The following SUSD4 variants were observed in gnomAD, a reference collection of about 807,000 sequenced individuals.
The protein encoded by SUSD4 is sushi domain-containing protein 4.
SUSD4 carries 41 observed loss-of-function variants against 50.5 expected under a neutral mutation model. That is an observed-to-expected ratio of 0.81 (90% CI 0.63 to 1.05). The LOEUF (loss-of-function observed/expected upper bound fraction) is 1.05. Among genes scored for constraint, SUSD4 ranks in the 50% least tolerant of loss-of-function variants. The pLI is 0.00. For missense variants in SUSD4, 580 were observed against 634.7 expected (o/e 0.91, Z 0.93); for synonymous variants, 257 against 257.3 (o/e 1.00, Z 0.01).
chr1:223,257,032 T>A (rs1661743631), intron 5 of SUSD4, among the ~76,000 whole-genome samples: 1 of 152,106 alleles, frequency 6.6e-6, no homozygotes, highest in Non-Finnish European at 1.5e-5. Flanking sequence ...TGGCATAGAG[T>A]AGGCATCCAA....
At position 223,224,447 on chromosome 1, in the gene SUSD4, A is replaced by G. The variant is rs1255880104; in HGVS notation, c.1062-816T>C. Among the ~76,000 whole-genome samples the G allele has an allele frequency of 2.0e-5, 3 of 152,316 alleles. No individual in the cohort carries two copies. In the East Asian group the frequency reaches 5.8e-4, roughly 29 times the overall value. The stretch of plus-strand genomic sequence containing the variant: ...TTCTTTGTTGTTTTCTGCATTCAGT[A>G]TAAAAATCATTACATTTTAGTCTAG... On this transcript the variant is annotated intron_variant, in intron 7 of 8. Transcript: ENST00000366878.
At chr1:223,362,933 A>AC (rs1486193519) in intron 2 of SUSD4, among the ~76,000 whole-genome samples, 293 of 66,402 alleles carry the variant, frequency 4.4e-3, no homozygotes, top group Middle Eastern at 6.8e-3. Flanking sequence ...CACTGCCCCC[A>AC]CCCCCCACCC....
intron 5 of SUSD4, among the ~76,000 whole-genome samples, chr1:223,258,198 C>T (rs1266143338): frequency 6.6e-6 from 1 of 152,142 alleles, no homozygotes; most frequent in African/African-American, 2.4e-5. Flanking sequence ...TACCAGGCGC[C>T]TCTTGTACCT....
At chr1:223,297,869 A>C (rs773488418) in intron 2 of SUSD4, among the ~76,000 whole-genome samples, 3 of 152,176 alleles carry the variant, frequency 2.0e-5, no homozygotes, top group Non-Finnish European at 4.4e-5. Context: ...AGGATAAAGC[A>C]AGGGATGGAT....
intron 5 of SUSD4, among the ~76,000 whole-genome samples, chr1:223,239,479 TC>T (rs1660435786): frequency 1.3e-5 from 2 of 152,258 alleles, no homozygotes; most frequent in African/African-American, 4.8e-5. Flanking sequence ...GAGCATTTTA[TC>T]TGATTACATT....
intron 4 of SUSD4, among the ~76,000 whole-genome samples, chr1:223,266,557 G>A (rs998537247): frequency 6.6e-6 from 1 of 152,154 alleles, no homozygotes; most frequent in Non-Finnish European, 1.5e-5. Context: ...CTCAGAGTAA[G>A]GTTATAATTC....
At chr1:223,326,568 A>G (rs1005875574) in intron 2 of SUSD4, among the ~76,000 whole-genome samples, 6 of 152,210 alleles carry the variant, frequency 3.9e-5, no homozygotes, top group African/African-American at 1.4e-4. Context: ...CAATCCACAG[A>G]ATGAAAGAAA....
chr1:223,348,071 A>C (rs1031540834), intron 2 of SUSD4, among the ~76,000 whole-genome samples: 1 of 152,114 alleles, frequency 6.6e-6, no homozygotes, highest in Non-Finnish European at 1.5e-5. Flanking sequence ...TCTAAGCAAC[A>C]GGAACATTCA....
chr1:223,345,297 A>T (rs1210172014), intron 2 of SUSD4, among the ~76,000 whole-genome samples: 2 of 152,092 alleles, frequency 1.3e-5, no homozygotes. Flanking sequence ...GGCTTTGGTA[A>T]TGCTGTATCT....
At chr1:223,260,983 G>A (rs761454519) in intron 5 of SUSD4, among the ~76,000 whole-genome samples, 2 of 152,166 alleles carry the variant, frequency 1.3e-5, no homozygotes, top group East Asian at 1.9e-4. Flanking sequence ...GGTGCCATGC[G>A]GCAGAGACCA....
chr1:223,307,418 A>T (rs1665605366), intron 2 of SUSD4, among the ~76,000 whole-genome samples: 1 of 152,266 alleles, frequency 6.6e-6, no homozygotes, highest in African/African-American at 2.4e-5. Flanking sequence ...GAGATCAATG[A>T]CAGTTTGATA....
At chr1:223,348,299 C>T (rs527860436) in intron 2 of SUSD4, among the ~76,000 whole-genome samples, 21 of 152,170 alleles carry the variant, frequency 1.4e-4, no homozygotes, top group South Asian at 6.2e-4. Flanking sequence ...ATATTTTCAG[C>T]GGGAAAAAAT....
chr1:223,305,737 T>C (rs1036084755), intron 2 of SUSD4, among the ~76,000 whole-genome samples: 6 of 152,188 alleles, frequency 3.9e-5, no homozygotes, highest in Admixed American at 3.9e-4. Context: ...ATACTATTTA[T>C]TATAGCAAAT....
At chr1:223,320,493 G>A (rs1666510213) in intron 2 of SUSD4, among the ~76,000 whole-genome samples, 1 of 152,148 alleles carries the variant, frequency 6.6e-6, no homozygotes, top group South Asian at 2.1e-4. Context: ...GCTTCTCGGG[G>A]TGTTGCACAG....
chr1:223,284,863 A>G (rs1399911314), intron 3 of SUSD4, among the ~76,000 whole-genome samples: 1 of 152,164 alleles, frequency 6.6e-6, no homozygotes, highest in Non-Finnish European at 1.5e-5. Flanking sequence ...GAGGCTGGGA[A>G]GGGTAGGGGA....
At chr1:223,307,429 G>A (rs1361689576) in intron 2 of SUSD4, among the ~76,000 whole-genome samples, 1 of 152,146 alleles carries the variant, frequency 6.6e-6, no homozygotes, top group Admixed American at 6.5e-5. Context: ...CAGTTTGATA[G>A]GATTAGTTCT....
At chr1:223,275,740 A>T (rs17161989) in intron 3 of SUSD4, among the ~76,000 whole-genome samples, 15,555 of 151,504 alleles carry the variant, frequency 0.1, 1,647 homozygotes, top group African/African-American at 0.27. Flanking sequence ...CCATGAAGTC[A>T]AACACTGAGA....
intron 5 of SUSD4, among the ~76,000 whole-genome samples, chr1:223,252,229 AAAAAAAAATAT>A (rs200474081): frequency 0.037 from 2,507 of 68,664 alleles, 26 homozygotes; most frequent in South Asian, 0.053. Flanking sequence ...TAAAAAAAAA[AAAAAAAAATAT>A]ATATATATAT....
intron 2 of SUSD4, among the ~76,000 whole-genome samples, chr1:223,325,894 T>A (rs2103258774): frequency 6.6e-6 from 1 of 152,132 alleles, no homozygotes; most frequent in South Asian, 2.1e-4. Flanking sequence ...CAGAAACATA[T>A]CCCATGCTCA....
Sources: gnomAD v4.1 joint callset for allele counts (sites outside exome capture counted in the v4.1 genomes callset) on GRCh38, gnomAD v4.1.1 for gene constraint, MANE v1.5 for transcripts, NCBI Gene and HGNC (gene_info 2026-07-23, HGNC 2026-07-21) for gene names.